PCDH7: variants seen among roughly 807,000 people sequenced by gnomAD.
PCDH7 encodes the protein protocadherin 7.
In PCDH7, 17 loss-of-function variants were observed where a neutral mutation model predicts 58.9. The ratio of observed to expected loss-of-function variants is 0.29; its 90% CI spans 0.20 to 0.43. PCDH7 has a LOEUF of 0.43. Among genes scored for constraint, PCDH7 ranks in the 20% least tolerant of loss-of-function variants. The pLI is 1.00. For synonymous variants in PCDH7, 664 were observed against 616.4 expected, an observed-to-expected ratio of 1.08 and a Z score of -1.14; for missense variants, 1,274 against 1,441.0, an observed-to-expected ratio of 0.88 and a Z score of 1.88.
At chr4:30,889,282 TAAC>T (rs1451888424) in intron 1 of PCDH7, among the ~76,000 whole-genome samples, 1 of 152,060 alleles carries the variant, frequency 6.6e-6, no homozygotes, top group Non-Finnish European at 1.5e-5. Flanking sequence ...TGCAGGCAGT[TAAC>T]TATGGTTTGG....
At chr4:30,918,404 ATTTC>A (rs1270074701) in intron 1 of PCDH7, among the ~76,000 whole-genome samples, 1 of 151,992 alleles carries the variant, frequency 6.6e-6, no homozygotes, top group East Asian at 1.9e-4. Flanking sequence ...GTACAAATTG[ATTTC>A]TTTATTTTTT....
chr4:30,854,702 G>A (rs999961225), intron 1 of PCDH7, among the ~76,000 whole-genome samples: 11 of 151,960 alleles, frequency 7.2e-5, no homozygotes, highest in African/African-American at 2.2e-4. Flanking sequence ...CCAGAGCCAT[G>A]CATATTTTTT....
intron 3 of PCDH7, among the ~76,000 whole-genome samples, chr4:30,995,276 G>A (rs1397530612): frequency 6.6e-6 from 1 of 152,118 alleles, no homozygotes; most frequent in Non-Finnish European, 1.5e-5. Context: ...CCAGCACTTT[G>A]GGAGGCAGAG....
chr4:31,097,510 G>GAGAGAA (rs777527833), intron 3 of PCDH7, among the ~76,000 whole-genome samples: 2,761 of 99,198 alleles, frequency 0.028, 65 homozygotes, highest in Middle Eastern at 0.054. Context: ...GAAAGAAAGA[G>GAGAGAA]AGAAAGAAAG....
intron 1 of PCDH7, among the ~76,000 whole-genome samples, chr4:30,829,200 G>A (rs1046473496): frequency 1.1e-4 from 16 of 152,030 alleles, no homozygotes; most frequent in Non-Finnish European, 2.1e-4. Flanking sequence ...GAGAGAGAGA[G>A]AGGACTCTAC....
chr4:30,877,056 T>C (rs1173037957), intron 1 of PCDH7, among the ~76,000 whole-genome samples: 1 of 152,100 alleles, frequency 6.6e-6, no homozygotes, highest in African/African-American at 2.4e-5. Flanking sequence ...TCCTGCAGAC[T>C]AAAGTCATCT....
chr4:30,807,557 C>T (rs1040024299), intron 1 of PCDH7, among the ~76,000 whole-genome samples: 2 of 152,126 alleles, frequency 1.3e-5, no homozygotes, highest in African/African-American at 2.4e-5. Context: ...AAGACTCTTA[C>T]TCAGCAAATG....
At chr4:31,004,250 G>C (rs2109141637) in intron 3 of PCDH7, among the ~76,000 whole-genome samples, 1 of 152,174 alleles carries the variant, frequency 6.6e-6, no homozygotes, top group Admixed American at 6.5e-5. Context: ...TGCGTCAGAC[G>C]AGAGACAGAG....
At chr4:30,765,476 T>C (rs1298869034) in intron 1 of PCDH7, among the ~76,000 whole-genome samples, 1 of 152,162 alleles carries the variant, frequency 6.6e-6, no homozygotes, top group African/African-American at 2.4e-5. Context: ...TTTAGTAGCA[T>C]TAGAACCTGC....
chr4:31,073,058 T>C (rs1450135695), intron 3 of PCDH7, among the ~76,000 whole-genome samples: 3 of 152,138 alleles, frequency 2.0e-5, no homozygotes, highest in Non-Finnish European at 4.4e-5. Flanking sequence ...GCCTAGATCC[T>C]GAAGAGTATG....
At chr4:31,094,695 A>G (rs1713716633) in intron 3 of PCDH7, among the ~76,000 whole-genome samples, 1 of 152,042 alleles carries the variant, frequency 6.6e-6, no homozygotes, top group African/African-American at 2.4e-5. Flanking sequence ...TCGTCCAGAT[A>G]CCACTGATAG....
At chr4:30,775,591 T>G (rs1313631603) in intron 1 of PCDH7, among the ~76,000 whole-genome samples, 1 of 152,258 alleles carries the variant, frequency 6.6e-6, no homozygotes, top group East Asian at 1.9e-4. Context: ...CTGTTGTGCT[T>G]TCTCTCATTC....
intron 1 of PCDH7, among the ~76,000 whole-genome samples, chr4:30,738,167 A>G (rs1160614405): frequency 6.6e-6 from 1 of 152,308 alleles, no homozygotes; most frequent in East Asian, 1.9e-4. Context: ...TAAAGGCCCT[A>G]TCTCCAAGTA....
At chr4:30,964,942 T>C (rs1315644408) in intron 3 of PCDH7, among the ~76,000 whole-genome samples, 1 of 152,230 alleles carries the variant, frequency 6.6e-6, no homozygotes, top group Admixed American at 6.5e-5. Context: ...TTCAGAGTTA[T>C]TGCTGTAAGT....
intron 3 of PCDH7, among the ~76,000 whole-genome samples, chr4:31,018,457 C>G (rs1011036183): frequency 6.6e-6 from 1 of 152,172 alleles, no homozygotes; most frequent in African/African-American, 2.4e-5. Flanking sequence ...GTACCTGTCT[C>G]TATATCAACA....
intron 1 of PCDH7, among the ~76,000 whole-genome samples, chr4:30,778,677 T>A (rs1413648456): frequency 6.6e-6 from 1 of 152,164 alleles, no homozygotes; most frequent in Non-Finnish European, 1.5e-5. Flanking sequence ...CAACTGATAT[T>A]ATTAATGCAA....
At chr4:30,843,349 G>A (rs928084004) in intron 1 of PCDH7, among the ~76,000 whole-genome samples, 1 of 151,958 alleles carries the variant, frequency 6.6e-6, no homozygotes, top group African/African-American at 2.4e-5. Context: ...CTACAGTTGT[G>A]CGCCCTGCTA....
chr4:30,761,247 C>T (rs139133239), intron 1 of PCDH7, among the ~76,000 whole-genome samples: 13 of 152,118 alleles, frequency 8.5e-5, no homozygotes, highest in African/African-American at 2.2e-4. Context: ...TTTTAGGAAG[C>T]GCAGCTCTCC....
chr4:30,763,028 A>G (rs1720227045), intron 1 of PCDH7, among the ~76,000 whole-genome samples: 1 of 152,140 alleles, frequency 6.6e-6, no homozygotes, highest in Non-Finnish European at 1.5e-5. Flanking sequence ...GGATCACCTG[A>G]GGCCAGGAGT....
Sources: allele counts gnomAD v4.1 joint callset (sites outside exome capture counted in the v4.1 genomes callset), GRCh38; gene constraint gnomAD v4.1.1; transcripts MANE v1.5; gene names NCBI Gene and HGNC (gene_info 2026-07-23, HGNC 2026-07-21).